Variants in TRABD2B observed in about 807,000 individuals in gnomAD.
TRABD2B encodes the protein TraB domain containing 2B.
TRABD2B carries 14 observed loss-of-function variants against 40.1 expected under a neutral mutation model. The observed-to-expected ratio is 0.35, with a 90% CI of 0.23 to 0.55. TRABD2B has a LOEUF of 0.55. Among genes scored for constraint, TRABD2B ranks in the 20% least tolerant of loss-of-function variants. The pLI, the probability that TRABD2B is intolerant of heterozygous loss-of-function variation, is 0.90. For missense variants in TRABD2B, 541 were observed against 648.6 expected (o/e 0.83, Z 1.80); for synonymous variants, 263 against 277.0 (o/e 0.95, Z 0.50).
At chr1:47,903,828 T>C (rs1644638046) in intron 2 of TRABD2B, among the ~76,000 whole-genome samples, 1 of 152,198 alleles carries the variant, frequency 6.6e-6, no homozygotes, top group Admixed American at 6.5e-5. Context: ...TAAATATTTA[T>C]TGATCACATG....
intron 2 of TRABD2B, among the ~76,000 whole-genome samples, chr1:47,880,799 A>AT (rs1308725816): frequency 1.3e-5 from 2 of 152,208 alleles, no homozygotes; most frequent in African/African-American, 4.8e-5. Flanking sequence ...ACAATAAGAT[A>AT]TGAGGGCCAA....
rs2148471482 is a variant in TRABD2B at position 47,996,853 on chromosome 1, C to T, written c.-64G>A. 2 of 1,157,398 alleles carry T rather than the reference C, an allele frequency of 1.7e-6. No homozygotes were observed. Among genetic ancestry groups the T allele is most frequent in the Middle Eastern group, 3.6e-4 (1 of 2,806 alleles). The allele number at this position is 1,157,398 out of a possible 1,614,324, so 71.7% of individuals were successfully genotyped here. Reference sequence around the variant, plus strand: ...CGGCGCCCCTCAGCGGGGCGGGGAGCCCCCAGTTGGGCACGGAGTTTCCTC... The same window carrying T: ...CGGCGCCCCTCAGCGGGGCGGGGAGTCCCCAGTTGGGCACGGAGTTTCCTC... On this transcript the variant is annotated 5_prime_UTR_variant, in exon 1 of 7. Coordinates refer to ENST00000606738, the MANE Select transcript of TRABD2B (RefSeq NM_001194986.2). The surrounding 1 kb of genome is among the most constrained non-coding windows in gnomAD (Gnocchi z 4.6).
At chr1:47,934,129 A>T (rs1645075093) in intron 2 of TRABD2B, among the ~76,000 whole-genome samples, 1 of 152,222 alleles carries the variant, frequency 6.6e-6, no homozygotes, top group Non-Finnish European at 1.5e-5. Context: ...ATTCTGTGAG[A>T]TGGCAAGCAC....
chr1:47,882,633 A>C (rs1042209078), intron 2 of TRABD2B, among the ~76,000 whole-genome samples: 7 of 152,206 alleles, frequency 4.6e-5, no homozygotes, highest in African/African-American at 1.4e-4. Context: ...TGTGAGCAGA[A>C]GCAGAATGCC....
Position 47,971,951 on chromosome 1 carries a change from A to G in TRABD2B, c.666+22083T>C, listed in dbSNP as rs1169595104. 5.9e-5 allele frequency among the ~76,000 whole-genome samples: 9 copies of G among 152,320 alleles called. 1 individual carries two copies. The South Asian group carries it at 1.7e-3, about 28-fold the overall frequency. ...GGAGCACAAACAGATGAAAGAGCCA[A>G]CAGTGAGATGGACTATCAGCAGAGA... On this transcript the variant is annotated intron_variant, in intron 2 of 6. Coordinates refer to ENST00000606738, the MANE Select transcript of TRABD2B (RefSeq NM_001194986.2).
At position 47,821,482 on chromosome 1, in the gene TRABD2B, C is replaced by T. The variant is rs1645109997; in HGVS notation, c.667-19863G>A. Among the ~76,000 whole-genome samples, 3 of 152,350 alleles carry T rather than the reference C, an allele frequency of 2.0e-5. No homozygotes were observed. In the South Asian group the frequency reaches 6.2e-4, roughly 32 times the overall value. ...AGCAGAAATGAATAGCCCCAAATAT[C>T]AGGACTGGAAGGAACCCGATTGTTT... On this transcript the variant is annotated intron_variant, in intron 2 of 6. Transcript: ENST00000606738.
chr1:47,977,310 G>A (rs1419396547), intron 2 of TRABD2B, among the ~76,000 whole-genome samples: 2 of 152,130 alleles, frequency 1.3e-5, no homozygotes, highest in South Asian at 4.1e-4. Context: ...CTAGCCTCAA[G>A]TGATCCCCAC....
In TRABD2B at chr1:47,977,147, A is replaced by C. The variant is rs1373151131; in HGVS notation, c.666+16887T>G. ...GAGTGCAGTGGTGCGATCTTGGCTC[A>C]CTGCAACCTCTGCCTCCCAGGTTCA... On this transcript the variant is annotated intron_variant, in intron 2 of 6. Coordinates refer to ENST00000606738, the MANE Select transcript of TRABD2B (RefSeq NM_001194986.2). Among the ~76,000 whole-genome samples the C allele has an allele frequency of 4.1e-5, 6 of 147,996 alleles. No individual in the cohort carries two copies. The Admixed American group carries it at 4.2e-4, about 10-fold the overall frequency.
chr1:47,978,317 T>G (rs1310984176), intron 2 of TRABD2B, among the ~76,000 whole-genome samples: 1 of 152,196 alleles, frequency 6.6e-6, no homozygotes, highest in African/African-American at 2.4e-5. Flanking sequence ...CCCCCAGAAC[T>G]GTGAGAAATA....
rs564255874 is a variant in TRABD2B, at chr1:47,761,529, G to A, written c.*4373C>T. On this transcript the variant is annotated 3_prime_UTR_variant, in exon 7 of 7. Transcript: ENST00000606738. ...GAGTGGGGAGGCTGGACTTATTCCT[G>A]AACCTTACTGGTTTAGACAGCCAGC... is the stretch of plus-strand genomic sequence containing the variant. 107 of 152,338 alleles carry A rather than the reference G, an allele frequency of 7.0e-4. No homozygotes were observed. Among genetic ancestry groups the A allele is most frequent in the African/African-American group, 2.5e-3 (104 of 41,576 alleles). 9.4% of individuals were successfully genotyped at this position (152,338 alleles called of 1,614,324 possible).
At chr1:47,817,719 C>G (rs1476691459) in intron 2 of TRABD2B, among the ~76,000 whole-genome samples, 1 of 152,198 alleles carries the variant, frequency 6.6e-6, no homozygotes, top group East Asian at 1.9e-4. Context: ...GGCCCAGTCC[C>G]TTCACGGGCT....
chr1:47,880,919 C>T (rs1355795969), intron 2 of TRABD2B, among the ~76,000 whole-genome samples: 3 of 152,166 alleles, frequency 2.0e-5, no homozygotes, highest in South Asian at 4.1e-4. Flanking sequence ...GGGGTCCCCT[C>T]GCAGCAGTGA....
At position 47,823,683 on chromosome 1, in the gene TRABD2B, C is replaced by T. The variant is rs573076689; in HGVS notation, c.667-22064G>A. Among the ~76,000 whole-genome samples the T allele has an allele frequency of 3.3e-5, 5 of 152,260 alleles. 1 individual carries two copies. In the South Asian group the frequency reaches 1.0e-3, roughly 32 times the overall value. ...GGGTGGTGAGAGAGAGGCCTTCAGC[C>T]CGGCTGAACAGGAAGGCAGAGACTT... On this transcript the variant is annotated intron_variant, in intron 2 of 6. Coordinates refer to ENST00000606738, the MANE Select transcript of TRABD2B (RefSeq NM_001194986.2).
intron 2 of TRABD2B, among the ~76,000 whole-genome samples, chr1:47,852,751 G>A (rs765564912): frequency 1.3e-5 from 2 of 152,184 alleles, no homozygotes; most frequent in Non-Finnish European, 2.9e-5. Flanking sequence ...GGGGTGGGTG[G>A]TGGTGGTGCT....
chr1:47,874,758 A>G (rs986097562), intron 2 of TRABD2B, among the ~76,000 whole-genome samples: 2 of 151,180 alleles, frequency 1.3e-5, no homozygotes, highest in Non-Finnish European at 1.5e-5. Context: ...ATACACGCAC[A>G]CACACACACA....
chr1:47,979,229 C>T (rs1416187801), intron 2 of TRABD2B, among the ~76,000 whole-genome samples: 3 of 152,082 alleles, frequency 2.0e-5, no homozygotes, highest in Non-Finnish European at 4.4e-5. Flanking sequence ...GATACTCAGG[C>T]GATGATGTGT....
chr1:47,983,741 A>T (rs992998346), intron 2 of TRABD2B, among the ~76,000 whole-genome samples: 3 of 122,234 alleles, frequency 2.5e-5, no homozygotes, highest in African/African-American at 9.9e-5. Flanking sequence ...CTCAGTAACC[A>T]CACTGGCAAA....
rs1644993413 is a variant in TRABD2B at position 47,813,616 on chromosome 1, G to GTA, written c.667-11999_667-11998dup. On this transcript the variant is annotated intron_variant, in intron 2 of 6. Coordinates refer to ENST00000606738, the MANE Select transcript of TRABD2B (RefSeq NM_001194986.2). This position sits in a 1 kb window ranked among gnomAD's most constrained non-coding sequence, Gnocchi z 4.3. ...AGCTTACCCATCTGCCAAGTGGGGT[G>GTA]TATATTTGTCCTGCCTGCTTGAGAC... Among the ~76,000 whole-genome samples the GTA allele has an allele frequency of 6.6e-6, 1 of 152,172 alleles. No homozygotes were observed. The highest frequency in any genetic ancestry group is 2.4e-5 in the African/African-American group (1 of 41,442).
intron 2 of TRABD2B, among the ~76,000 whole-genome samples, chr1:47,851,008 G>A (rs1432365146): frequency 6.6e-6 from 1 of 151,916 alleles, no homozygotes; most frequent in Admixed American, 6.5e-5. Context: ...GACAGGAGGC[G>A]GAGCTCAGGT....
Sources: allele counts gnomAD v4.1 joint callset (sites outside exome capture counted in the v4.1 genomes callset), GRCh38; gene constraint gnomAD v4.1.1; non-coding constraint Gnocchi (gnomAD v3.1); transcripts MANE v1.5; gene names NCBI Gene and HGNC (gene_info 2026-07-23, HGNC 2026-07-21).